Variants in DCC observed in about 807,000 individuals in gnomAD.
DCC encodes the protein netrin receptor DCC.
A neutral mutation model predicts 172.5 loss-of-function variants in DCC; 58 were observed. That is an observed-to-expected ratio of 0.34 (90% confidence interval 0.27 to 0.42). The LOEUF (loss-of-function observed/expected upper bound fraction) is 0.42, where lower values mean the gene tolerates loss of function less well. Among genes scored for constraint, DCC ranks in the 10% least tolerant of loss-of-function variants. DCC has a pLI of 1.00. For missense variants in DCC, 1,740 were observed against 1,791.0 expected (o/e 0.97, Z 0.51); for synonymous variants, 709 against 644.5 (o/e 1.10, Z -1.52).
chr18:53,271,933 C>T lies in DCC; in HGVS notation c.1912-33645C>T, dbSNP rs539053067. ...TTTTTATAGTTAATAGATACAGCAACGTATTTTGTATTTAAAGCTTCTTTT... is the reference window on the plus strand; with the variant it reads ...TTTTTATAGTTAATAGATACAGCAATGTATTTTGTATTTAAAGCTTCTTTT... On this transcript the variant is annotated intron_variant, in intron 12 of 28. Transcript: ENST00000442544. Among the ~76,000 whole-genome samples, 11 of 152,212 alleles carry T rather than the reference C, an allele frequency of 7.2e-5. No individual in the cohort carries two copies. In the South Asian group the frequency reaches 1.9e-3, roughly 26 times the overall value.
chr18:52,510,975 A>T (rs1450400767), intron 1 of DCC, among the ~76,000 whole-genome samples: 2 of 152,178 alleles, frequency 1.3e-5, no homozygotes, highest in East Asian at 3.9e-4. Context: ...CTTTTCTCAC[A>T]TAGCTCTAGG....
chr18:52,789,152 C>A (rs182587768), intron 2 of DCC, among the ~76,000 whole-genome samples: 1 of 152,296 alleles, frequency 6.6e-6, no homozygotes, highest in Non-Finnish European at 1.5e-5. Flanking sequence ...TTTGGTACCT[C>A]TAAAACTCAA....
In DCC at chr18:53,336,939, C is replaced by A. The variant is rs555043811; in HGVS notation, c.2165-2774C>A. On this transcript the variant is annotated intron_variant, in intron 14 of 28. Transcript: ENST00000442544. ...AAGAGGCAACATATCTTCTTACGTA[C>A]TAACATTTTTTTTCTAATGTTAAAA... Among the ~76,000 whole-genome samples, 18 of 152,336 alleles carry A rather than the reference C, an allele frequency of 1.2e-4. 1 individual carries two copies. In the South Asian group the frequency reaches 1.5e-3, roughly 12 times the overall value.
At chr18:52,860,229 T>A (rs908351395) in intron 2 of DCC, among the ~76,000 whole-genome samples, 1 of 152,248 alleles carries the variant, frequency 6.6e-6, no homozygotes, top group Non-Finnish European at 1.5e-5. Flanking sequence ...TTAAATCAGG[T>A]GTTCAAGTGA....
At chr18:53,439,801 G>A (rs1209175451) in intron 22 of DCC, among the ~76,000 whole-genome samples, 1 of 133,692 alleles carries the variant, frequency 7.5e-6, no homozygotes, top group Non-Finnish European at 1.6e-5. Context: ...GTCTCGCTCT[G>A]TCGCCCAGGC....
At chr18:52,568,202 C>A (rs1292773223) in intron 1 of DCC, among the ~76,000 whole-genome samples, 2 of 152,054 alleles carry the variant, frequency 1.3e-5, no homozygotes, top group African/African-American at 2.4e-5. Flanking sequence ...AGGCAGCCGT[C>A]CTATTCTTAG....
At chr18:52,933,492 G>A (rs959225693) in intron 5 of DCC, among the ~76,000 whole-genome samples, 20 of 151,926 alleles carry the variant, frequency 1.3e-4, no homozygotes, top group African/African-American at 4.6e-4. Context: ...AATGTGCAAA[G>A]GTCTGGAAAT....
chr18:52,781,280 A>G (rs1387110586), intron 2 of DCC, among the ~76,000 whole-genome samples: 1 of 152,142 alleles, frequency 6.6e-6, no homozygotes, highest in Non-Finnish European at 1.5e-5. Flanking sequence ...TTTTATGGCC[A>G]GTTATCACAC....
At chr18:52,663,636 C>T (rs1212691022) in intron 1 of DCC, among the ~76,000 whole-genome samples, 1 of 152,076 alleles carries the variant, frequency 6.6e-6, no homozygotes, top group Non-Finnish European at 1.5e-5. Context: ...GCAGAAAACT[C>T]ATAGTAATGA....
chr18:53,180,252 C>A (rs2055174222), intron 9 of DCC, among the ~76,000 whole-genome samples: 1 of 152,096 alleles, frequency 6.6e-6, no homozygotes, highest in Admixed American at 6.6e-5. Context: ...AAGATGATAA[C>A]AAATTGGAAT....
At chr18:52,809,605 C>G (rs140168585) in intron 2 of DCC, among the ~76,000 whole-genome samples, 3 of 152,190 alleles carry the variant, frequency 2.0e-5, no homozygotes, top group Non-Finnish European at 4.4e-5. Flanking sequence ...AGCGAACACA[C>G]TGCTGGATCT....
Position 53,159,008 on chromosome 18 carries a change from A to AAAAAAAAAAAAAG in DCC, c.1418+1496_1418+1497insAAAAAAAAAAAAG, listed in dbSNP as rs34406723. Among the ~76,000 whole-genome samples the AAAAAAAAAAAAAG allele has an allele frequency of 4.4e-4, 52 of 119,156 alleles. 7 individuals are homozygous for AAAAAAAAAAAAAG. Among genetic ancestry groups the AAAAAAAAAAAAAG allele is most frequent in the South Asian group, 9.3e-4 (3 of 3,212 alleles). The allele number at this position is 119,156 out of a possible 152,430, so 78.2% of individuals were successfully genotyped here. ...CATCTCAAAAAAAAAAAAAAAAAGA[A>AAAAAAAAAAAAAG]GAAGATGTAGGCATACCCATATTGC... On this transcript the variant is annotated intron_variant, in intron 8 of 28. Coordinates refer to ENST00000442544, the MANE Select transcript of DCC (RefSeq NM_005215.4).
chr18:52,437,185 A>G (rs901547855), intron 1 of DCC, among the ~76,000 whole-genome samples: 2 of 152,212 alleles, frequency 1.3e-5, no homozygotes, highest in African/African-American at 4.8e-5. Flanking sequence ...TCTCATTAAG[A>G]TGGCAAATTG....
At chr18:53,150,316 T>A (rs2043979426) in intron 7 of DCC, among the ~76,000 whole-genome samples, 1 of 152,236 alleles carries the variant, frequency 6.6e-6, no homozygotes, top group South Asian at 2.1e-4. Flanking sequence ...GCAACCACTG[T>A]ACAGAGTTCT....
At chr18:52,660,566 C>G (rs2035340651) in intron 1 of DCC, among the ~76,000 whole-genome samples, 1 of 152,068 alleles carries the variant, frequency 6.6e-6, no homozygotes. Flanking sequence ...GTCAAGGTGA[C>G]AAAACTGAGA....
At chr18:52,503,142 C>T (rs2031096417) in intron 1 of DCC, among the ~76,000 whole-genome samples, 2 of 152,134 alleles carry the variant, frequency 1.3e-5, no homozygotes, top group African/African-American at 4.8e-5. Context: ...ACAGCAACAT[C>T]TTAAAGTCAT....
intron 1 of DCC, among the ~76,000 whole-genome samples, chr18:52,696,713 G>T (rs2036017244): frequency 6.6e-6 from 1 of 152,112 alleles, no homozygotes; most frequent in Non-Finnish European, 1.5e-5. Context: ...ATGAATGACG[G>T]GATATTTGAC....
At chr18:52,403,471 G>A (rs897997907) in intron 1 of DCC, among the ~76,000 whole-genome samples, 7 of 151,924 alleles carry the variant, frequency 4.6e-5, no homozygotes, top group African/African-American at 9.7e-5. Context: ...GCCCAATTGT[G>A]TTTTGATTCA....
chr18:53,139,934 C>T (rs1350229220), intron 7 of DCC, among the ~76,000 whole-genome samples: 1 of 152,120 alleles, frequency 6.6e-6, no homozygotes, highest in Non-Finnish European at 1.5e-5. Context: ...AGAATGTGAG[C>T]TCCAAAAAGG....
Sources: gnomAD v4.1 joint callset for allele counts (sites outside exome capture counted in the v4.1 genomes callset) on GRCh38, gnomAD v4.1.1 for gene constraint, MANE v1.5 for transcripts, NCBI Gene and HGNC (gene_info 2026-07-23, HGNC 2026-07-21) for gene names.